Variants in DGKH observed in about 807,000 individuals in gnomAD.
DGKH encodes diacylglycerol kinase eta, also known as DAG kinase eta.
A neutral mutation model predicts 159.3 loss-of-function variants in DGKH; 90 were observed. The ratio of observed to expected loss-of-function variants is 0.57; its 90% CI spans 0.48 to 0.67. DGKH has a LOEUF of 0.67. DGKH is among the 30% of genes least tolerant of loss of function. The pLI is 0.00. For missense variants in DGKH, 1,181 were observed against 1,506.1 expected (o/e 0.78, Z 3.57); for synonymous variants, 536 against 553.8 (o/e 0.97, Z 0.45).
In DGKH at chr13:42,059,911, T is replaced by TC. The variant is rs549941782; in HGVS notation, c.192+10946_192+10947insC. Among the ~76,000 whole-genome samples the TC allele has an allele frequency of 1.3e-3, 195 of 151,030 alleles. 1 individual carries two copies. The highest frequency in any genetic ancestry group is 4.4e-3 in the African/African-American group (182 of 41,344). On this transcript the variant is annotated intron_variant, in intron 1 of 29. Coordinates refer to ENST00000337343, the MANE Select transcript of DGKH (RefSeq NM_178009.5). The stretch of plus-strand genomic sequence containing the variant: ...TAAGTTCTCTCTCTTTTTTCTTTTT[T>TC]TTTTTTTTTATATATATAGAGTCTC...
At chr13:42,169,645 C>A (rs1163680737) in intron 11 of DGKH, among the ~76,000 whole-genome samples, 1 of 152,124 alleles carries the variant, frequency 6.6e-6, no homozygotes, top group Non-Finnish European at 1.5e-5. Context: ...CCGAAAATAA[C>A]AAAATTTCAC....
At chr13:42,123,408 A>G (rs960086607) in intron 1 of DGKH, among the ~76,000 whole-genome samples, 7 of 152,206 alleles carry the variant, frequency 4.6e-5, no homozygotes, top group Non-Finnish European at 8.8e-5. Context: ...GTTTTCCCAT[A>G]GAAGATAATC....
chr13:42,149,563 C>A (rs1439951175), intron 3 of DGKH, among the ~76,000 whole-genome samples: 1 of 152,162 alleles, frequency 6.6e-6, no homozygotes, highest in African/African-American at 2.4e-5. Flanking sequence ...AATGAATGAA[C>A]GGATGGATTC....
At chr13:42,050,463 A>G (rs1881193545) in intron 1 of DGKH, among the ~76,000 whole-genome samples, 1 of 152,210 alleles carries the variant, frequency 6.6e-6, no homozygotes, top group African/African-American at 2.4e-5. Context: ...TGCACTTACT[A>G]AAGAGTTAGG....
At chr13:42,135,138 C>G (rs1955373867) in intron 3 of DGKH, among the ~76,000 whole-genome samples, 1 of 151,878 alleles carries the variant, frequency 6.6e-6, no homozygotes, top group Admixed American at 6.6e-5. Flanking sequence ...TTTTAGGTGG[C>G]AGTGATGCAA....
At chr13:42,091,425 T>A (rs1192728979) in intron 1 of DGKH, among the ~76,000 whole-genome samples, 1 of 152,136 alleles carries the variant, frequency 6.6e-6, no homozygotes, top group Middle Eastern at 3.2e-3. Flanking sequence ...GATAAGCAGT[T>A]AATATCCAGA....
At chr13:42,093,346 A>G (rs545449055) in intron 1 of DGKH, among the ~76,000 whole-genome samples, 1 of 152,028 alleles carries the variant, frequency 6.6e-6, no homozygotes, top group African/African-American at 2.4e-5. Flanking sequence ...GCTGCTCTTA[A>G]AAAAAAAGAT....
intron 13 of DGKH, among the ~76,000 whole-genome samples, chr13:42,182,428 C>A (rs1012788004): frequency 2.0e-5 from 3 of 151,332 alleles, no homozygotes; most frequent in African/African-American, 7.4e-5. Flanking sequence ...GGGATTGGCT[C>A]CAGGACCCCC....
At chr13:42,117,913 C>T (rs1421576674) in intron 1 of DGKH, among the ~76,000 whole-genome samples, 3 of 152,128 alleles carry the variant, frequency 2.0e-5, no homozygotes, top group Admixed American at 6.5e-5. Context: ...CTGCTGAACC[C>T]TGGAAACCAT....
At chr13:42,207,542 G>A (rs1324429199) in intron 21 of DGKH, among the ~76,000 whole-genome samples, 2 of 151,500 alleles carry the variant, frequency 1.3e-5, no homozygotes, top group East Asian at 3.9e-4. Flanking sequence ...TTTATTTTCA[G>A]AAATATCAAG....
chr13:42,168,407 T>A, intron 9 of DGKH, 33 bp from the exon 10 acceptor site: 1 of 1,563,534 alleles, frequency 6.4e-7, no homozygotes, highest in Non-Finnish European at 8.8e-7. Context: ...TTTTTATTTC[T>A]TTATACTAAA....
intron 20 of DGKH, among the ~76,000 whole-genome samples, chr13:42,203,237 T>C (rs1957388891): frequency 6.6e-6 from 1 of 152,258 alleles, no homozygotes; most frequent in Non-Finnish European, 1.5e-5. Flanking sequence ...CTTTAATTCT[T>C]AACAACTCAT....
At position 42,048,876 on chromosome 13, in the gene DGKH, G is replaced by A; in HGVS notation, c.103G>A (p.Gly35Arg). The stretch of plus-strand genomic sequence containing the variant: ...CTCCGCCGCTGCCTCGGCGGGGCCG[G>A]GAGAGGATTCGTCTGACAGCGAAGC... Reference protein sequence around the residue: ...VTSAAASAGPGEDSSDSEAEQ... With the variant: ...VTSAAASAGPREDSSDSEAEQ... Residue 35 changes from glycine (G) to arginine (R), a missense_variant, in exon 1 of 30, where the codon GGA becomes AGA. Gly to Arg is a moderately radical substitution (Grantham distance 125). Around this residue, in one of 5 missense-constraint regions of DGKH, gnomAD observed 136 missense variants for 132.2 expected, o/e 1.03. Transcript: ENST00000337343. This position sits in a 1 kb window ranked among gnomAD's most constrained non-coding sequence, Gnocchi z 6.7. 1 of 1,377,564 alleles carries A rather than the reference G, an allele frequency of 7.3e-7. No individual in the cohort carries two copies. Among genetic ancestry groups the A allele is most frequent in the Non-Finnish European group, 9.4e-7 (1 of 1,060,798 alleles). The allele number at this position is 1,377,564 out of a possible 1,614,324, so 85.3% of individuals were successfully genotyped here.
At chr13:42,049,565 C>T (rs1170370644) in intron 1 of DGKH, among the ~76,000 whole-genome samples, 2 of 152,180 alleles carry the variant, frequency 1.3e-5, no homozygotes, top group Non-Finnish European at 2.9e-5. Flanking sequence ...GGCAGAAGCC[C>T]CGAGGCAGGC....
intron 1 of DGKH, among the ~76,000 whole-genome samples, chr13:42,064,263 G>T (rs531489032): frequency 6.6e-6 from 1 of 152,308 alleles, no homozygotes; most frequent in East Asian, 1.9e-4. Flanking sequence ...GAGGTCTGAG[G>T]CTAGAGGAAA....
intron 21 of DGKH, among the ~76,000 whole-genome samples, chr13:42,207,701 A>AT (rs61083950): frequency 0.092 from 13,448 of 146,460 alleles, 775 homozygotes; most frequent in Middle Eastern, 0.13. Context: ...GTGTGTATAT[A>AT]TATATATATA....
intron 1 of DGKH, among the ~76,000 whole-genome samples, chr13:42,067,479 C>T (rs1882661942): frequency 1.3e-5 from 2 of 152,200 alleles, no homozygotes; most frequent in South Asian, 4.2e-4. Flanking sequence ...CTCTCCTCAC[C>T]AAGCACATAT....
intron 14 of DGKH, 134 bp downstream of exon 14, chr13:42,187,282 A>G (rs1956955048): frequency 2.8e-6 from 2 of 706,442 alleles, no homozygotes; most frequent in East Asian, 2.6e-5. Flanking sequence ...ACTTTGGATC[A>G]GATCTGAGAA....
intron 1 of DGKH, among the ~76,000 whole-genome samples, chr13:42,113,418 G>A (rs545175405): frequency 1.3e-5 from 2 of 152,294 alleles, no homozygotes; most frequent in East Asian, 3.9e-4. Flanking sequence ...AGGTCTCCAA[G>A]TAATGATCAG....
Sources: gnomAD v4.1 joint callset for allele counts (sites outside exome capture counted in the v4.1 genomes callset) on GRCh38, gnomAD v4.1.1 for gene constraint, gnomAD v4.1.1 regional missense constraint, Gnocchi (gnomAD v3.1) non-coding constraint, MANE v1.5 for transcripts, NCBI Gene and HGNC (gene_info 2026-07-23, HGNC 2026-07-21) for gene names.